Variants in EYS observed in about 807,000 individuals in gnomAD.
EYS encodes protein eyes shut homolog.
In EYS, 250 loss-of-function variants were observed where a neutral mutation model predicts 282.1. That is an observed-to-expected ratio of 0.89 (90% CI 0.80 to 0.98). EYS has a LOEUF of 0.98. Among genes scored for constraint, EYS ranks in the 50% least tolerant of loss-of-function variants. The probability of loss-of-function intolerance (pLI) is 0.00; values close to 1 mark genes in which losing one functional copy is unlikely to be tolerated. For missense variants in EYS, 4,016 were observed against 3,709.0 expected, an observed-to-expected ratio of 1.08 and a Z score of -2.15; for synonymous variants, 1,355 against 1,282.9, an observed-to-expected ratio of 1.06 and a Z score of -1.20.
chr6:65,450,010 T>G (rs1764346061), intron 5 of EYS, among the ~76,000 whole-genome samples: 1 of 152,156 alleles, frequency 6.6e-6, no homozygotes, highest in Non-Finnish European at 1.5e-5. Context: ...TAGTTTAGTG[T>G]GTAAAACAGA....
At chr6:63,753,292 G>A (rs1324400429) in intron 41 of EYS, among the ~76,000 whole-genome samples, 1 of 151,460 alleles carries the variant, frequency 6.6e-6, no homozygotes, top group Non-Finnish European at 1.5e-5. Context: ...AGTCTCAAAG[G>A]CTTATTTACA....
chr6:63,813,191 G>A (rs1233916106), intron 36 of EYS, among the ~76,000 whole-genome samples: 1 of 152,014 alleles, frequency 6.6e-6, no homozygotes, highest in Non-Finnish European at 1.5e-5. Flanking sequence ...TGTTGCCCAG[G>A]CTGGTCTTGA....
chr6:65,170,004 C>T (rs2150226768), intron 12 of EYS, among the ~76,000 whole-genome samples: 1 of 151,598 alleles, frequency 6.6e-6, no homozygotes, highest in South Asian at 2.1e-4. Context: ...GTGCAATCTT[C>T]TAAAAATGGG....
intron 22 of EYS, among the ~76,000 whole-genome samples, chr6:64,640,359 C>A (rs1307208713): frequency 6.6e-6 from 1 of 152,024 alleles, no homozygotes. Context: ...GAAAATGTGG[C>A]ACATATACAC....
At chr6:65,361,865 A>G (rs1031604999) in intron 8 of EYS, among the ~76,000 whole-genome samples, 2 of 152,168 alleles carry the variant, frequency 1.3e-5, no homozygotes, top group Admixed American at 6.6e-5. Flanking sequence ...CAAAACAACT[A>G]AAGCCTCTTA....
intron 15 of EYS, among the ~76,000 whole-genome samples, chr6:64,935,475 G>A (rs1475918077): frequency 6.6e-6 from 1 of 151,514 alleles, no homozygotes; most frequent in Non-Finnish European, 1.5e-5. Flanking sequence ...GAAAATTAAA[G>A]CATAAATTAA....
At chr6:64,015,928 T>C (rs1045750269) in intron 33 of EYS, among the ~76,000 whole-genome samples, 1 of 152,210 alleles carries the variant, frequency 6.6e-6, no homozygotes, top group African/African-American at 2.4e-5. Context: ...TTTCCAGGCT[T>C]ATGAGGCAAA....
chr6:64,927,722 T>C (rs1490184630), intron 15 of EYS, among the ~76,000 whole-genome samples: 1 of 152,064 alleles, frequency 6.6e-6, no homozygotes, highest in African/African-American at 2.4e-5. Context: ...TATATCCTCA[T>C]ATAAGAAACA....
chr6:64,743,876 T>G (rs1180094298), intron 22 of EYS, among the ~76,000 whole-genome samples: 1 of 152,130 alleles, frequency 6.6e-6, no homozygotes, highest in Non-Finnish European at 1.5e-5. Context: ...AGTACTGCTC[T>G]TCTGTAGATG....
intron 13 of EYS, among the ~76,000 whole-genome samples, chr6:65,032,188 C>T (rs1017171656): frequency 1.3e-5 from 2 of 151,898 alleles, no homozygotes; most frequent in Admixed American, 1.3e-4. Flanking sequence ...AAGATTAAAC[C>T]AGGAAGAAAC....
At chr6:65,672,054 T>C (rs1254424053) in intron 1 of EYS, among the ~76,000 whole-genome samples, 1 of 152,138 alleles carries the variant, frequency 6.6e-6, no homozygotes. Context: ...GGAATTTGAA[T>C]GCTCTAGATG....
chr6:63,802,196 T>A (rs920398389), intron 37 of EYS, among the ~76,000 whole-genome samples: 1 of 152,222 alleles, frequency 6.6e-6, no homozygotes, highest in Non-Finnish European at 1.5e-5. Context: ...TCCCTATATA[T>A]GATATTATGG....
At chr6:64,613,085 T>C (rs1306085307) in intron 24 of EYS, among the ~76,000 whole-genome samples, 1 of 152,182 alleles carries the variant, frequency 6.6e-6, no homozygotes, top group Non-Finnish European at 1.5e-5. Flanking sequence ...TTGAATGTTC[T>C]TTACACAGAT....
At chr6:64,689,007 A>C (rs1326734184) in intron 22 of EYS, among the ~76,000 whole-genome samples, 2 of 152,094 alleles carry the variant, frequency 1.3e-5, no homozygotes, top group Non-Finnish European at 2.9e-5. Flanking sequence ...AGGGCATTCA[A>C]TTAGGAAAAG....
chr6:64,370,437 G>A (rs1438794743), intron 29 of EYS, among the ~76,000 whole-genome samples: 1 of 152,044 alleles, frequency 6.6e-6, no homozygotes, highest in Non-Finnish European at 1.5e-5. Context: ...GTTTTGTTTA[G>A]AATTTTTGCA....
At chr6:64,454,572 A>G (rs547418525) in intron 26 of EYS, among the ~76,000 whole-genome samples, 65 of 152,230 alleles carry the variant, frequency 4.3e-4, no homozygotes, top group African/African-American at 1.5e-3. Flanking sequence ...TGTACTCCCA[A>G]TTGGTGGGTT....
chr6:65,362,675 T>A (rs900014821), intron 8 of EYS, among the ~76,000 whole-genome samples: 18 of 151,956 alleles, frequency 1.2e-4, no homozygotes, highest in African/African-American at 3.9e-4. Flanking sequence ...CTTAAAGATT[T>A]TCTTCTTAGG....
rs141772137 is a variant in EYS at position 64,557,172 on chromosome 6, C to T, written c.5644+33051G>A. On this transcript the variant is annotated intron_variant, in intron 26 of 42. Transcript: ENST00000503581. ...ACAAATAGAAGTAGTGAAGTTGATA[C>T]CAGAAGCAAGATTTGGAAAACACAC... 3.9e-3 allele frequency among the ~76,000 whole-genome samples: 595 copies of T among 150,814 alleles called. 4 individuals are homozygous for T. Among genetic ancestry groups the T allele is most frequent in the Admixed American group, 5.9e-3 (89 of 15,030 alleles).
intron 2 of EYS, among the ~76,000 whole-genome samples, chr6:65,638,738 C>G (rs1314591227): frequency 6.6e-6 from 1 of 152,214 alleles, no homozygotes; most frequent in Non-Finnish European, 1.5e-5. Flanking sequence ...TCTCACATAT[C>G]CCTTGCCACT....
Sources: allele counts gnomAD v4.1 joint callset (sites outside exome capture counted in the v4.1 genomes callset), GRCh38; gene constraint gnomAD v4.1.1; transcripts MANE v1.5; gene names NCBI Gene and HGNC (gene_info 2026-07-23, HGNC 2026-07-21).